Variants in SLIT3 observed in about 807,000 individuals in gnomAD.
SLIT3 encodes the protein slit homolog 3 protein.
In SLIT3, 68 loss-of-function variants were observed where a neutral mutation model predicts 184.0. That is an observed-to-expected ratio of 0.37 (90% confidence interval 0.30 to 0.45). SLIT3 has a LOEUF of 0.45. Among genes scored for constraint, SLIT3 ranks in the 20% least tolerant of loss-of-function variants. The pLI is 1.00. For missense variants in SLIT3, 1,707 were observed against 2,026.0 expected, an observed-to-expected ratio of 0.84 and a Z score of 3.02; for synonymous variants, 831 against 828.6, an observed-to-expected ratio of 1.00 and a Z score of -0.05.
intron 4 of SLIT3, among the ~76,000 whole-genome samples, chr5:168,906,655 T>C (rs1045530464): frequency 6.6e-6 from 1 of 152,142 alleles, no homozygotes. Context: ...TATATTTTTT[T>C]CCGAAATAGA....
At chr5:168,743,886 C>G (rs1763715098) in intron 20 of SLIT3, among the ~76,000 whole-genome samples, 1 of 152,192 alleles carries the variant, frequency 6.6e-6, no homozygotes, top group Non-Finnish European at 1.5e-5. Context: ...CAAGCCAAAG[C>G]CTAATCCAGA....
intron 3 of SLIT3, among the ~76,000 whole-genome samples, chr5:169,206,194 C>T (rs12520563): frequency 0.054 from 8,264 of 152,298 alleles, 263 homozygotes; most frequent in South Asian, 0.12. Context: ...CACGCTCCAT[C>T]AAGACATTAA....
chr5:169,247,828 T>G (rs1210356939), intron 2 of SLIT3, among the ~76,000 whole-genome samples: 1 of 152,114 alleles, frequency 6.6e-6, no homozygotes. Context: ...TGGGCAGCCT[T>G]GTCCAGGCTG....
At chr5:168,771,165 G>T (rs888599426) in intron 14 of SLIT3, among the ~76,000 whole-genome samples, 7 of 152,302 alleles carry the variant, frequency 4.6e-5, no homozygotes, top group Non-Finnish European at 8.8e-5. Flanking sequence ...CCAGACAGGG[G>T]TAGGAATAGA....
intron 25 of SLIT3, among the ~76,000 whole-genome samples, chr5:168,709,055 T>A (rs980692731): frequency 6.6e-6 from 1 of 151,768 alleles, no homozygotes; most frequent in Non-Finnish European, 1.5e-5. Context: ...AAAACCCAGA[T>A]GACTTAGCTG....
At chr5:168,897,424 AG>A (rs1760705558) in intron 4 of SLIT3, among the ~76,000 whole-genome samples, 1 of 152,090 alleles carries the variant, frequency 6.6e-6, no homozygotes, top group Non-Finnish European at 1.5e-5. Flanking sequence ...GATGAGAGAG[AG>A]AGAGAGACAG....
intron 9 of SLIT3, among the ~76,000 whole-genome samples, chr5:168,799,143 T>C (rs1250876773): frequency 1.3e-5 from 2 of 152,172 alleles, no homozygotes; most frequent in East Asian, 3.9e-4. Context: ...TCACATGCAG[T>C]CTCTGTGCAG....
chr5:168,856,207 T>A (rs1295289092), intron 5 of SLIT3, among the ~76,000 whole-genome samples: 2 of 152,188 alleles, frequency 1.3e-5, no homozygotes, highest in African/African-American at 4.8e-5. Context: ...AACGGTTAGT[T>A]CTATGTTATG....
chr5:168,883,400 T>A, intron 4 of SLIT3, 64 bp from the exon 5 acceptor site: 1 of 1,254,984 alleles, frequency 8.0e-7, no homozygotes, highest in Non-Finnish European at 1.2e-6. Context: ...TGCATCTCAT[T>A]AAATGATAAC....
At chr5:168,790,965 G>T (rs1160646171) in intron 10 of SLIT3, 10 of 152,254 alleles carry the variant, frequency 6.6e-5, no homozygotes, top group African/African-American at 2.4e-5. Context: ...CTTCGGCACA[G>T]CTGTCTAGTT....
intron 4 of SLIT3, among the ~76,000 whole-genome samples, chr5:169,054,253 T>C (rs1030680316): frequency 1.4e-5 from 2 of 142,408 alleles, no homozygotes; most frequent in Admixed American, 7.0e-5. Flanking sequence ...AATGTGAAGA[T>C]AGAAGCGGAG....
chr5:168,763,184 T>C (rs1486323404), intron 14 of SLIT3, among the ~76,000 whole-genome samples: 2 of 151,886 alleles, frequency 1.3e-5, no homozygotes, highest in African/African-American at 2.4e-5. Context: ...TGGGAAGGGG[T>C]TGCAAACTTA....
intron 32 of SLIT3, among the ~76,000 whole-genome samples, chr5:168,679,955 A>G (rs1761531952): frequency 6.6e-6 from 1 of 152,278 alleles, no homozygotes; most frequent in Non-Finnish European, 1.5e-5. Flanking sequence ...CTCAGAGAGC[A>G]TGCACTGCAT....
At chr5:168,728,277 C>CATATATAT (rs3061738) in intron 20 of SLIT3, among the ~76,000 whole-genome samples, 8,527 of 140,776 alleles carry the variant, frequency 0.061, 358 homozygotes, top group Non-Finnish European at 0.091. Context: ...TAATCAACAA[C>CATATATAT]ATATATATAT....
intron 28 of SLIT3, among the ~76,000 whole-genome samples, chr5:168,693,125 C>T (rs2113255292): frequency 6.6e-6 from 1 of 152,316 alleles, no homozygotes; most frequent in South Asian, 2.1e-4. Context: ...ACAACAGTGA[C>T]TGGGTCCTTT....
intron 4 of SLIT3, among the ~76,000 whole-genome samples, chr5:169,075,013 C>G (rs181657156): frequency 3.1e-3 from 473 of 152,282 alleles, no homozygotes; most frequent in African/African-American, 0.011. Flanking sequence ...GAGCTGTTCT[C>G]ACATCTGGAG....
chr5:169,137,581 C>T (rs556951869), intron 4 of SLIT3, among the ~76,000 whole-genome samples: 1 of 152,188 alleles, frequency 6.6e-6, no homozygotes, highest in East Asian at 1.9e-4. Context: ...CCTTCATCCA[C>T]ATCCCCCAAA....
intron 4 of SLIT3, among the ~76,000 whole-genome samples, chr5:169,138,069 A>C (rs1252818492): frequency 6.6e-6 from 1 of 151,872 alleles, no homozygotes; most frequent in Non-Finnish European, 1.5e-5. Flanking sequence ...TTACATAAAC[A>C]CTCTAGGCCT....
At chr5:168,953,901 C>T (rs753013448) in intron 4 of SLIT3, among the ~76,000 whole-genome samples, 2 of 152,298 alleles carry the variant, frequency 1.3e-5, no homozygotes, top group Non-Finnish European at 2.9e-5. Context: ...CTGCTGCCGG[C>T]GGCTGAGCAC....
Sources: gnomAD v4.1 joint callset for allele counts (sites outside exome capture counted in the v4.1 genomes callset) on GRCh38, gnomAD v4.1.1 for gene constraint, MANE v1.5 for transcripts, NCBI Gene and HGNC (gene_info 2026-07-23, HGNC 2026-07-21) for gene names.